The following COG5 variants were observed in gnomAD, a reference collection of about 807,000 sequenced individuals.
COG5 encodes the protein component of oligomeric golgi complex 5, also known as conserved oligomeric Golgi complex subunit 5.
A neutral mutation model predicts 110.4 loss-of-function variants in COG5; 86 were observed. The observed-to-expected ratio is 0.78, with a 90% CI of 0.65 to 0.93. The LOEUF (loss-of-function observed/expected upper bound fraction) is 0.93. Among genes scored for constraint, COG5 ranks in the 40% least tolerant of loss-of-function variants. The pLI is 0.00. For synonymous variants in COG5, 360 were observed against 334.6 expected (o/e 1.08, Z -0.83); for missense variants, 1,077 against 987.0 (o/e 1.09, Z -1.22).
intron 12 of COG5, among the ~76,000 whole-genome samples, chr7:107,292,645 A>C (rs945104066): frequency 3.3e-5 from 5 of 152,198 alleles, no homozygotes; most frequent in African/African-American, 1.2e-4. Flanking sequence ...GGATTTAAAA[A>C]GTTTTACTCA....
chr7:107,500,190 T>C (rs954181697), intron 6 of COG5, among the ~76,000 whole-genome samples: 2 of 152,182 alleles, frequency 1.3e-5, no homozygotes, highest in African/African-American at 4.8e-5. Context: ...GTTGGCATCC[T>C]GTCTTGAAAA....
rs1803455682 is a variant in COG5, at chr7:107,558,027, T to C, written c.183A>G (p.Leu61=). ...GACTGATTCCTTGGGCAAGTTTTGC[T>C]AGTTGTTCAGCAATTACAGCTTGAT... The part of the protein sequence containing the change: ...SIHQAVIAEQ[L]AKLAQGISQL... The change falls in exon 2 of 22, where the codon CTA becomes CTG. Residue 61 remains leucine, a synonymous_variant. Transcript: ENST00000297135. 6.2e-7 allele frequency: 1 copy of C among 1,613,986 alleles called. No homozygotes were observed. The highest frequency in any genetic ancestry group is 1.3e-5 in the African/African-American group (1 of 74,938).
chr7:107,476,173 T>C (rs1259011294), intron 6 of COG5, among the ~76,000 whole-genome samples: 6 of 66,732 alleles, frequency 9.0e-5, no homozygotes, highest in Non-Finnish European at 1.4e-4. Context: ...ATTAATATAG[T>C]GCAATGATTT....
intron 10 of COG5, among the ~76,000 whole-genome samples, chr7:107,338,652 T>C (rs1364923879): frequency 6.6e-6 from 1 of 152,102 alleles, no homozygotes; most frequent in Non-Finnish European, 1.5e-5. Flanking sequence ...AAGATTTCTA[T>C]GCAGTAGAGG....
At chr7:107,543,362 C>A (rs1294308997) in intron 5 of COG5, among the ~76,000 whole-genome samples, 2 of 152,196 alleles carry the variant, frequency 1.3e-5, no homozygotes, top group African/African-American at 4.8e-5. Context: ...GAATTGAGCA[C>A]TGGACTTTGC....
At chr7:107,380,441 G>C (rs912828494) in intron 7 of COG5, among the ~76,000 whole-genome samples, 1 of 151,988 alleles carries the variant, frequency 6.6e-6, no homozygotes, top group African/African-American at 2.4e-5. Flanking sequence ...AGAAAAGAAA[G>C]AAGAATCAAT....
intron 10 of COG5, among the ~76,000 whole-genome samples, chr7:107,332,677 T>G (rs1810361604): frequency 6.6e-6 from 1 of 151,848 alleles, no homozygotes; most frequent in African/African-American, 2.4e-5. Flanking sequence ...AAGGTTTCAG[T>G]AGAGTGAAAC....
At chr7:107,545,390 A>G (rs1802337494) in intron 5 of COG5, among the ~76,000 whole-genome samples, 2 of 152,228 alleles carry the variant, frequency 1.3e-5, no homozygotes, top group Admixed American at 1.3e-4. Flanking sequence ...GAAAAGAAGC[A>G]TATCACATAC....
chr7:107,334,385 A>T (rs1266702247), intron 10 of COG5, among the ~76,000 whole-genome samples: 1 of 152,060 alleles, frequency 6.6e-6, no homozygotes, highest in Non-Finnish European at 1.5e-5. Flanking sequence ...TGAAGATTAT[A>T]AAAAAAACTT....
intron 15 of COG5, among the ~76,000 whole-genome samples, chr7:107,257,408 C>A (rs1275691081): frequency 6.6e-6 from 1 of 151,916 alleles, no homozygotes; most frequent in Non-Finnish European, 1.5e-5. Context: ...GTGTAAAATA[C>A]ACATTTTTAG....
intron 7 of COG5, among the ~76,000 whole-genome samples, chr7:107,378,656 A>G (rs1023679819): frequency 6.6e-6 from 1 of 152,196 alleles, no homozygotes; most frequent in African/African-American, 2.4e-5. Context: ...GAAACGATCA[A>G]GCGGAAGAAA....
intron 6 of COG5, among the ~76,000 whole-genome samples, chr7:107,456,569 G>C (rs193035678): frequency 1.3e-5 from 2 of 152,290 alleles, no homozygotes; most frequent in Admixed American, 1.3e-4. Flanking sequence ...GGACAAATTT[G>C]AGTTAAGGAA....
intron 6 of COG5, among the ~76,000 whole-genome samples, chr7:107,508,288 C>CA (rs1484606583): frequency 6.6e-6 from 1 of 152,232 alleles, no homozygotes; most frequent in Admixed American, 6.5e-5. Context: ...ATTGCTAGCA[C>CA]AGCAGTCTGA....
chr7:107,239,122 T>C (rs977668834), intron 17 of COG5, among the ~76,000 whole-genome samples: 1 of 152,252 alleles, frequency 6.6e-6, no homozygotes, highest in Non-Finnish European at 1.5e-5. Flanking sequence ...TAATCTATTT[T>C]CATTTGATTT....
At chr7:107,489,783 T>C (rs1033160290) in intron 6 of COG5, among the ~76,000 whole-genome samples, 3 of 152,084 alleles carry the variant, frequency 2.0e-5, no homozygotes, top group Non-Finnish European at 4.4e-5. Context: ...ACACAGCAAA[T>C]AATTGCCCAA....
chr7:107,460,502 A>G (rs1272532517), intron 6 of COG5, among the ~76,000 whole-genome samples: 1 of 152,224 alleles, frequency 6.6e-6, no homozygotes, highest in Non-Finnish European at 1.5e-5. Context: ...TAAAACATCC[A>G]AAGTTGTGGA....
intron 5 of COG5, among the ~76,000 whole-genome samples, chr7:107,529,985 A>G (rs1265612489): frequency 6.6e-6 from 1 of 152,176 alleles, no homozygotes; most frequent in Non-Finnish European, 1.5e-5. Context: ...TTCCTCTGAG[A>G]TTTTAAATAC....
In COG5 at chr7:107,248,439, T is replaced by C. The variant is rs750450574; in HGVS notation, c.1810A>G (p.Ile604Val). The C allele has an allele frequency of 2.5e-6, 4 of 1,611,734 alleles. No homozygotes were observed. Among genetic ancestry groups the C allele is most frequent in the South Asian group, 1.1e-5 (1 of 91,008 alleles). ...TGCATGGTGATGATTATGGCCTCTATAGCATCTCCCACAGAAGTGAGTAAG... is the reference window on the plus strand; with the variant it reads ...TGCATGGTGATGATTATGGCCTCTACAGCATCTCCCACAGAAGTGAGTAAG... ...QPLLTSVGDA[I>V]EAIIITMHQE... Residue 604 changes from isoleucine (I) to valine (V), a missense_variant, in exon 17 of 22, where the codon ATA (isoleucine) becomes GTA (valine). By Grantham distance (29) the Ile-to-Val change is conservative. Transcript: ENST00000297135.
intron 6 of COG5, among the ~76,000 whole-genome samples, chr7:107,508,601 C>A (rs1799227234): frequency 6.6e-6 from 1 of 152,202 alleles, no homozygotes; most frequent in South Asian, 2.1e-4. Context: ...GTCCGTGACC[C>A]CCGAGCAGCC....
Sources: allele counts gnomAD v4.1 joint callset (sites outside exome capture counted in the v4.1 genomes callset), GRCh38; gene constraint gnomAD v4.1.1; transcripts MANE v1.5; gene names NCBI Gene and HGNC (gene_info 2026-07-23, HGNC 2026-07-21).